ARHGAP6: variants seen among roughly 807,000 people sequenced by gnomAD.
ARHGAP6 encodes Rho GTPase activating protein 6, also known as rho GTPase-activating protein 6.
ARHGAP6 carries 16 observed loss-of-function variants against 55.7 expected under a neutral mutation model. That is an observed-to-expected ratio of 0.29 (90% CI 0.19 to 0.44). ARHGAP6 has a LOEUF of 0.44. Among genes scored for constraint, ARHGAP6 ranks in the 20% least tolerant of loss-of-function variants. The pLI is 1.00. For missense variants in ARHGAP6, 698 were observed against 808.9 expected, an observed-to-expected ratio of 0.86 and a Z score of 1.66; for synonymous variants, 382 against 360.9, an observed-to-expected ratio of 1.06 and a Z score of -0.66.
At chrX:11,591,484 T>A (rs1342122072) in intron 1 of ARHGAP6, among the ~76,000 whole-genome samples, 1 of 110,397 alleles carries the variant, frequency 9.1e-6, no homozygotes, top group Non-Finnish European at 1.9e-5. Flanking sequence ...CAAATGTACA[T>A]CAAGGAATGA....
At chrX:11,519,794 C>G (rs2050893090) in intron 1 of ARHGAP6, among the ~76,000 whole-genome samples, 1 of 107,531 alleles carries the variant, frequency 9.3e-6, no homozygotes, top group Non-Finnish European at 1.9e-5. Flanking sequence ...ATGTAGAAAG[C>G]TGAAACTGGA....
intron 1 of ARHGAP6, among the ~76,000 whole-genome samples, chrX:11,542,833 T>C (rs1423029594): frequency 4.5e-5 from 5 of 111,764 alleles, no homozygotes; most frequent in African/African-American, 1.6e-4. Context: ...TGAAAATATT[T>C]CTTTGAGGCT....
chrX:11,155,037 G>C (rs977567065), intron 10 of ARHGAP6, among the ~76,000 whole-genome samples: 1 of 111,819 alleles, frequency 8.9e-6, no homozygotes, highest in Non-Finnish European at 1.9e-5. Flanking sequence ...CAATTAAAAG[G>C]TCTTCCCTGC....
At chrX:11,519,193 C>T (rs2050884376) in intron 1 of ARHGAP6, among the ~76,000 whole-genome samples, 1 of 100,404 alleles carries the variant, frequency 1.0e-5, no homozygotes. Context: ...AGTTCTAGAT[C>T]CCTGAGGAAT....
At chrX:11,541,984 T>A (rs1194310059) in intron 1 of ARHGAP6, among the ~76,000 whole-genome samples, 3 of 112,051 alleles carry the variant, frequency 2.7e-5, no homozygotes, top group African/African-American at 9.7e-5. Flanking sequence ...ATGATTTCTA[T>A]CTTCTAAGGT....
At chrX:11,537,592 T>C (rs1330871427) in intron 1 of ARHGAP6, among the ~76,000 whole-genome samples, 2 of 112,313 alleles carry the variant, frequency 1.8e-5, no homozygotes, top group Admixed American at 9.5e-5. Flanking sequence ...ATTTGAAATA[T>C]CCCAAGTTCT....
chrX:11,458,171 C>T (rs188390808), intron 1 of ARHGAP6, among the ~76,000 whole-genome samples: 11 of 112,560 alleles, frequency 9.8e-5, no homozygotes, highest in African/African-American at 3.5e-4. Context: ...CTTCATTATT[C>T]TGCAGTCTTA....
At chrX:11,478,873 G>A (rs955565816) in intron 1 of ARHGAP6, among the ~76,000 whole-genome samples, 1 of 111,564 alleles carries the variant, frequency 9.0e-6, no homozygotes, top group African/African-American at 3.3e-5. Flanking sequence ...AGTTTCATGA[G>A]GGCACAAAGA....
chrX:11,483,649 T>A (rs1303050789), intron 1 of ARHGAP6, among the ~76,000 whole-genome samples: 1 of 111,352 alleles, frequency 9.0e-6, no homozygotes, highest in East Asian at 2.8e-4. Flanking sequence ...CAAATGTTTT[T>A]TTTTTTTCTT....
chrX:11,184,890 T>A, intron 5 of ARHGAP6, among the ~76,000 whole-genome samples: 1 of 111,491 alleles, frequency 9.0e-6, no homozygotes, highest in East Asian at 2.8e-4. Flanking sequence ...CACCATAGAG[T>A]GTACATACAC....
intron 1 of ARHGAP6, among the ~76,000 whole-genome samples, chrX:11,572,214 T>A (rs1340783983): frequency 1.8e-5 from 2 of 110,762 alleles, no homozygotes; most frequent in Non-Finnish European, 3.8e-5. Flanking sequence ...ATACTTTAAG[T>A]TTTAGGGTAC....
At chrX:11,486,509 T>G (rs745959567) in intron 1 of ARHGAP6, among the ~76,000 whole-genome samples, 57 of 111,995 alleles carry the variant, frequency 5.1e-4, no homozygotes, top group African/African-American at 1.7e-3. Flanking sequence ...AAATCAATTA[T>G]AAAAAATAAT....
intron 1 of ARHGAP6, among the ~76,000 whole-genome samples, chrX:11,583,342 C>T (rs751200054): frequency 1.3e-4 from 15 of 112,132 alleles, no homozygotes; most frequent in Non-Finnish European, 2.3e-4. Flanking sequence ...TGCTTGTTGT[C>T]ACTTAGCAGA....
At chrX:11,536,646 T>A (rs1403350441) in intron 1 of ARHGAP6, among the ~76,000 whole-genome samples, 1 of 112,218 alleles carries the variant, frequency 8.9e-6, no homozygotes, top group Admixed American at 9.5e-5. Context: ...AGAGAGACGA[T>A]AAAACCTTAA....
At position 11,424,916 on chromosome X, in the gene ARHGAP6, T is replaced by C. The variant is rs746976903; in HGVS notation, c.589-170209A>G. Among the ~76,000 whole-genome samples, 3 of 112,641 alleles carry C rather than the reference T, an allele frequency of 2.7e-5. No homozygotes were observed. The South Asian group carries it at 1.1e-3, about 42-fold the overall frequency. On this transcript the variant is annotated intron_variant, in intron 1 of 12. Coordinates refer to ENST00000337414, the MANE Select transcript of ARHGAP6 (RefSeq NM_013427.3). Reference sequence around the variant, plus strand: ...TAAATGGAGGATGTTCTTGTCTAGTTAATTGCATTTTGCTCTCTGTGACCA... The same window carrying C: ...TAAATGGAGGATGTTCTTGTCTAGTCAATTGCATTTTGCTCTCTGTGACCA...
intron 1 of ARHGAP6, chrX:11,334,208 C>T: frequency 7.2e-6 from 1 of 138,977 alleles, no homozygotes. Flanking sequence ...AAAGTTGTAC[C>T]TGTTCCCTCA....
At chrX:11,453,123 A>G (rs1376753339) in intron 1 of ARHGAP6, among the ~76,000 whole-genome samples, 3 of 107,060 alleles carry the variant, frequency 2.8e-5, no homozygotes, top group Non-Finnish European at 3.8e-5. Flanking sequence ...GAAGTGGTCA[A>G]GCTAAAATTT....
intron 1 of ARHGAP6, among the ~76,000 whole-genome samples, chrX:11,553,732 T>G (rs900377088): frequency 1.8e-5 from 2 of 111,486 alleles, no homozygotes; most frequent in Non-Finnish European, 3.8e-5. Flanking sequence ...AGGAGCCAAA[T>G]GGATGAATAA....
chrX:11,244,004 G>A (rs2047320769), intron 2 of ARHGAP6, among the ~76,000 whole-genome samples: 1 of 111,721 alleles, frequency 9.0e-6, no homozygotes, highest in East Asian at 2.8e-4. Flanking sequence ...TTCTCAGTAT[G>A]AATCTGTCAT....
Sources: allele counts gnomAD v4.1 joint callset (sites outside exome capture counted in the v4.1 genomes callset), GRCh38; gene constraint gnomAD v4.1.1; transcripts MANE v1.5; gene names NCBI Gene and HGNC (gene_info 2026-07-23, HGNC 2026-07-21).